NLGN1: variants seen among roughly 807,000 people sequenced by gnomAD.
NLGN1 encodes the protein neuroligin-1.
Under a neutral mutation model 65.5 loss-of-function variants are expected in NLGN1, and 12 were observed. The observed-to-expected ratio is 0.18, with a 90% CI of 0.12 to 0.30. The LOEUF is 0.30. Among genes scored for constraint, NLGN1 ranks in the 10% least tolerant of loss-of-function variants. NLGN1 has a pLI of 1.00. For synonymous variants in NLGN1, 350 were observed against 359.5 expected (o/e 0.97, Z 0.30); for missense variants, 750 against 1,007.1 (o/e 0.74, Z 3.46).
At chr3:173,760,610 T>G (rs901682140) in intron 3 of NLGN1, among the ~76,000 whole-genome samples, 1 of 152,042 alleles carries the variant, frequency 6.6e-6, no homozygotes, top group Non-Finnish European at 1.5e-5. Flanking sequence ...TATTGTACTA[T>G]ATGAACATTT....
At chr3:173,427,643 T>G (rs1004867277) in intron 1 of NLGN1, among the ~76,000 whole-genome samples, 1 of 151,960 alleles carries the variant, frequency 6.6e-6, no homozygotes, top group African/African-American at 2.4e-5. Flanking sequence ...TTGTTATTAA[T>G]TTCTAGTTTT....
chr3:173,420,428 A>T (rs111661499), intron 1 of NLGN1, among the ~76,000 whole-genome samples: 9,989 of 152,026 alleles, frequency 0.066, 378 homozygotes, highest in Middle Eastern at 0.11. Context: ...TATGGCTGCA[A>T]AGTATTCCAT....
At chr3:173,993,654 T>TGATG in intron 4 of NLGN1, among the ~76,000 whole-genome samples, 2 of 147,376 alleles carry the variant, frequency 1.4e-5, no homozygotes, top group Middle Eastern at 3.5e-3. Context: ...GCTAGATAGA[T>TGATG]GATAGATAGA....
intron 2 of NLGN1, among the ~76,000 whole-genome samples, chr3:173,565,252 A>C (rs372920501): frequency 6.6e-6 from 1 of 152,244 alleles, no homozygotes; most frequent in Non-Finnish European, 1.5e-5. Context: ...AATAGACCAA[A>C]TATAGTGAAA....
At chr3:173,982,424 A>G (rs1036783778) in intron 4 of NLGN1, among the ~76,000 whole-genome samples, 1 of 152,252 alleles carries the variant, frequency 6.6e-6, no homozygotes, top group East Asian at 1.9e-4. Context: ...GGAGGAAACA[A>G]TGGAACTCTC....
intron 4 of NLGN1, among the ~76,000 whole-genome samples, chr3:173,998,628 T>C (rs949821734): frequency 3.3e-5 from 5 of 152,212 alleles, no homozygotes; most frequent in Admixed American, 1.3e-4. Flanking sequence ...TGCCATGTGT[T>C]AAGAATTAAG....
At chr3:173,465,561 T>G (rs1417669891) in intron 2 of NLGN1, among the ~76,000 whole-genome samples, 6 of 152,132 alleles carry the variant, frequency 3.9e-5, no homozygotes, top group African/African-American at 1.2e-4. Context: ...AAGTAGGTAG[T>G]TAGAAATGTC....
chr3:173,798,344 T>G (rs1714633830), intron 3 of NLGN1, among the ~76,000 whole-genome samples: 1 of 152,134 alleles, frequency 6.6e-6, no homozygotes, highest in Non-Finnish European at 1.5e-5. Context: ...GTATATTTTT[T>G]TGCAGTCTTT....
chr3:174,178,997 C>CT lies in NLGN1; in HGVS notation c.647-96312dup, dbSNP rs1180244627. On this transcript the variant is annotated intron_variant, in intron 4 of 6. Transcript: ENST00000457714. ...AAATTCATTTTAACTACCACATCAT[C>CT]TTTTTTCAGATTACTTTTTAAGTCA... 3.2e-4 allele frequency among the ~76,000 whole-genome samples: 49 copies of CT among 151,988 alleles called. 2 individuals are homozygous for CT. Among genetic ancestry groups the CT allele is most frequent in the Admixed American group, 3.2e-3 (49 of 15,224 alleles).
chr3:174,231,427 C>A (rs1449769130), intron 4 of NLGN1, among the ~76,000 whole-genome samples: 1 of 152,164 alleles, frequency 6.6e-6, no homozygotes, highest in Non-Finnish European at 1.5e-5. Flanking sequence ...GAACATTCAG[C>A]AGTCTATGAG....
intron 4 of NLGN1, among the ~76,000 whole-genome samples, chr3:174,100,124 T>C (rs1217223564): frequency 6.6e-6 from 1 of 152,150 alleles, no homozygotes; most frequent in East Asian, 1.9e-4. Flanking sequence ...AAAACTTCCT[T>C]AAATATTTCA....
intron 2 of NLGN1, among the ~76,000 whole-genome samples, chr3:173,504,088 C>G (rs1731610054): frequency 6.6e-6 from 1 of 151,954 alleles, no homozygotes; most frequent in South Asian, 2.1e-4. Context: ...GAAATGTAAT[C>G]AACTTTAGTT....
chr3:173,956,586 G>C (rs574929274), intron 4 of NLGN1, among the ~76,000 whole-genome samples: 3 of 152,232 alleles, frequency 2.0e-5, no homozygotes, highest in African/African-American at 7.2e-5. Flanking sequence ...CTTCACTGGG[G>C]ACTCTTCCCC....
chr3:173,652,295 GT>G (rs1257935688), intron 3 of NLGN1, among the ~76,000 whole-genome samples: 1 of 152,050 alleles, frequency 6.6e-6, no homozygotes, highest in African/African-American at 2.4e-5. Flanking sequence ...TTTATTTTTG[GT>G]TTTGTTGCTT....
intron 1 of NLGN1, among the ~76,000 whole-genome samples, chr3:173,413,376 C>T (rs1029521074): frequency 5.3e-5 from 8 of 151,850 alleles, no homozygotes; most frequent in Non-Finnish European, 7.4e-5. Context: ...CTGAGGTGGG[C>T]GGATCACAAG....
At chr3:173,943,756 A>G (rs1352104349) in intron 4 of NLGN1, among the ~76,000 whole-genome samples, 1 of 152,212 alleles carries the variant, frequency 6.6e-6, no homozygotes, top group Admixed American at 6.5e-5. Context: ...AAATGTGAGA[A>G]CAGCATTTAG....
chr3:173,424,526 A>G (rs1259055651), intron 1 of NLGN1, among the ~76,000 whole-genome samples: 1 of 152,148 alleles, frequency 6.6e-6, no homozygotes, highest in African/African-American at 2.4e-5. Context: ...AGAATAATTC[A>G]CGTTCTCTCT....
chr3:174,112,799 C>T (rs1165829414), intron 4 of NLGN1, among the ~76,000 whole-genome samples: 2 of 151,498 alleles, frequency 1.3e-5, no homozygotes, highest in African/African-American at 4.8e-5. Context: ...TTATTTTAGA[C>T]CCATTATTGA....
At chr3:173,600,176 T>TA (rs1179103125) in intron 2 of NLGN1, among the ~76,000 whole-genome samples, 1 of 105,358 alleles carries the variant, frequency 9.5e-6, no homozygotes, top group African/African-American at 4.0e-5. Context: ...TGGGTATATC[T>TA]ATGTACATGT....
Sources: allele counts gnomAD v4.1 joint callset (sites outside exome capture counted in the v4.1 genomes callset), GRCh38; gene constraint gnomAD v4.1.1; transcripts MANE v1.5; gene names NCBI Gene and HGNC (gene_info 2026-07-23, HGNC 2026-07-21).